Variants in MAGI2 observed in about 807,000 individuals in gnomAD.
MAGI2 encodes the protein membrane associated guanylate kinase, WW and PDZ domain containing 2.
Under a neutral mutation model 133.3 loss-of-function variants are expected in MAGI2, and 35 were observed. The ratio of observed to expected loss-of-function variants is 0.26; its 90% CI spans 0.20 to 0.35. The LOEUF (loss-of-function observed/expected upper bound fraction) is 0.35, where lower values mean the gene tolerates loss of function less well. Among genes scored for constraint, MAGI2 ranks in the 10% least tolerant of loss-of-function variants. The probability of loss-of-function intolerance (pLI) is 1.00; values close to 1 mark genes in which losing one functional copy is unlikely to be tolerated. For synonymous variants in MAGI2, 729 were observed against 710.6 expected, an observed-to-expected ratio of 1.03 and a Z score of -0.41; for missense variants, 1,636 against 1,863.4, an observed-to-expected ratio of 0.88 and a Z score of 2.25.
rs1787528771 is a variant in MAGI2, at chr7:78,795,471, A to T, written c.419-168232T>A. ...ATTCCATTTATAGTAACTACAAAAAACTAGGAATAAACTTGAGAAGTGACA... is the reference window on the plus strand; with the variant it reads ...ATTCCATTTATAGTAACTACAAAAATCTAGGAATAAACTTGAGAAGTGACA... On this transcript the variant is annotated intron_variant, in intron 2 of 21. Transcript: ENST00000354212. 2.0e-5 allele frequency among the ~76,000 whole-genome samples: 3 copies of T among 152,122 alleles called. No homozygotes were observed. In the South Asian group the frequency reaches 6.2e-4, roughly 31 times the overall value.
intron 2 of MAGI2, among the ~76,000 whole-genome samples, chr7:78,800,010 A>C (rs1325577440): frequency 6.6e-6 from 1 of 152,200 alleles, no homozygotes; most frequent in Non-Finnish European, 1.5e-5. Flanking sequence ...TGGATATTTT[A>C]ACACTTTATA....
intron 1 of MAGI2, chr7:79,011,121 G>A (rs993925627): frequency 6.6e-6 from 1 of 152,142 alleles, no homozygotes; most frequent in Non-Finnish European, 1.5e-5. Flanking sequence ...GAACAATGGT[G>A]GGGTGGGGAG....
chr7:78,571,839 A>C (rs916725323), intron 3 of MAGI2, among the ~76,000 whole-genome samples: 1 of 152,224 alleles, frequency 6.6e-6, no homozygotes, highest in African/African-American at 2.4e-5. Context: ...TGGTATCAAA[A>C]GCAAGACCTG....
At chr7:79,096,011 G>A (rs1224561911) in intron 1 of MAGI2, among the ~76,000 whole-genome samples, 3 of 152,132 alleles carry the variant, frequency 2.0e-5, no homozygotes, top group Admixed American at 6.5e-5. Flanking sequence ...AAAAGGTCCA[G>A]AGCAGGGGGC....
chr7:79,220,944 A>T (rs1243324842), intron 1 of MAGI2, among the ~76,000 whole-genome samples: 1 of 152,030 alleles, frequency 6.6e-6, no homozygotes, highest in Admixed American at 6.5e-5. Flanking sequence ...TAAAAACTTA[A>T]GGTCATCCTG....
At chr7:78,108,857 CTATATCTATA>C (rs779125183) in intron 20 of MAGI2, among the ~76,000 whole-genome samples, 2 of 151,800 alleles carry the variant, frequency 1.3e-5, no homozygotes, top group African/African-American at 2.4e-5. Flanking sequence ...ATCAATATAT[CTATATCTATA>C]TATATCAATA....
chr7:78,231,971 G>T (rs1226978929), intron 10 of MAGI2, among the ~76,000 whole-genome samples: 1 of 151,860 alleles, frequency 6.6e-6, no homozygotes, highest in Non-Finnish European at 1.5e-5. Context: ...AATGACCCTG[G>T]GTAGTTACAA....
At chr7:78,905,193 C>T (rs765296948) in intron 2 of MAGI2, among the ~76,000 whole-genome samples, 7 of 152,192 alleles carry the variant, frequency 4.6e-5, no homozygotes, top group Non-Finnish European at 1.0e-4. Context: ...ACTACTTCTT[C>T]AGCATTTCTC....
chr7:78,761,237 T>C (rs924762735), intron 2 of MAGI2, among the ~76,000 whole-genome samples: 10 of 152,190 alleles, frequency 6.6e-5, no homozygotes, highest in Non-Finnish European at 1.5e-4. Flanking sequence ...TTCCCTCTCT[T>C]TCCCAGGACA....
chr7:79,166,685 T>G (rs962869405), intron 1 of MAGI2, among the ~76,000 whole-genome samples: 1 of 152,052 alleles, frequency 6.6e-6, no homozygotes, highest in Admixed American at 6.6e-5. Context: ...GGGGGAAAAA[T>G]CCTTATCTTT....
At chr7:79,138,448 A>C (rs1294014101) in intron 1 of MAGI2, among the ~76,000 whole-genome samples, 2 of 152,184 alleles carry the variant, frequency 1.3e-5, no homozygotes, top group Non-Finnish European at 2.9e-5. Context: ...ATTTTCATAA[A>C]ATTTATCATG....
chr7:78,804,760 A>AAAAACAAAAAAC (rs1326124475), intron 2 of MAGI2, among the ~76,000 whole-genome samples: 26 of 136,750 alleles, frequency 1.9e-4, no homozygotes, highest in South Asian at 4.5e-4. Flanking sequence ...AAAAAAAAAA[A>AAAAACAAAAAAC]AAAAAAAAAA....
chr7:78,860,839 G>C (rs922587670), intron 2 of MAGI2, among the ~76,000 whole-genome samples: 1 of 152,196 alleles, frequency 6.6e-6, no homozygotes, highest in Admixed American at 6.5e-5. Context: ...CCTGCCCCCA[G>C]AGATGGAGTC....
chr7:78,475,120 G>C (rs1271009909), intron 6 of MAGI2, among the ~76,000 whole-genome samples: 1 of 151,942 alleles, frequency 6.6e-6, no homozygotes, highest in Non-Finnish European at 1.5e-5. Context: ...TTCCAGCCCT[G>C]AGGAAGATCC....
chr7:78,670,936 A>G (rs536365436), intron 2 of MAGI2, among the ~76,000 whole-genome samples: 2 of 152,330 alleles, frequency 1.3e-5, no homozygotes, highest in African/African-American at 2.4e-5. Flanking sequence ...TACTTAAAGT[A>G]TCACATAATG....
At chr7:78,573,620 T>C (rs1273009955) in intron 3 of MAGI2, among the ~76,000 whole-genome samples, 1 of 150,912 alleles carries the variant, frequency 6.6e-6, no homozygotes, top group Non-Finnish European at 1.5e-5. Flanking sequence ...GGATTTACCT[T>C]TTAGGTTTTG....
At chr7:78,201,299 C>T (rs765091609) in intron 10 of MAGI2, 106 bp from the exon 11 acceptor site, 16 of 534,086 alleles carry the variant, frequency 3.0e-5, no homozygotes, top group South Asian at 1.1e-4. Context: ...TAGTTAACAG[C>T]GAACAATAAC....
intron 4 of MAGI2, among the ~76,000 whole-genome samples, chr7:78,504,052 G>A (rs1199420667): frequency 6.6e-6 from 1 of 152,094 alleles, no homozygotes; most frequent in East Asian, 1.9e-4. Flanking sequence ...CTGAAAATTT[G>A]TAATATGTGT....
At chr7:78,185,234 G>A (rs1255731123) in intron 13 of MAGI2, among the ~76,000 whole-genome samples, 2 of 152,094 alleles carry the variant, frequency 1.3e-5, no homozygotes, top group Non-Finnish European at 2.9e-5. Context: ...GAAATCCAGT[G>A]TGGATTTTAC....
Sources: allele counts gnomAD v4.1 joint callset (sites outside exome capture counted in the v4.1 genomes callset), GRCh38; gene constraint gnomAD v4.1.1; transcripts MANE v1.5; gene names NCBI Gene and HGNC (gene_info 2026-07-23, HGNC 2026-07-21).